Variants in SAFB2 observed in about 807,000 individuals in gnomAD.
SAFB2 encodes the protein scaffold attachment factor B2.
In SAFB2, 32 loss-of-function variants were observed where a neutral mutation model predicts 100.6. That is an observed-to-expected ratio of 0.32 (90% CI 0.24 to 0.43). The LOEUF (loss-of-function observed/expected upper bound fraction) is 0.43, where lower values mean the gene tolerates loss of function less well. Ranked by LOEUF, SAFB2 falls within the 20% of genes least tolerant of loss-of-function variation. The pLI is 1.00. For missense variants in SAFB2, 1,185 were observed against 1,163.4 expected (o/e 1.02, Z -0.27); for synonymous variants, 500 against 439.4 (o/e 1.14, Z -1.72).
At position 5,590,292 on chromosome 19, in the gene SAFB2, C is replaced by T. The variant is rs377458727; in HGVS notation, c.2511G>A (p.Leu837=). The T allele has an allele frequency of 4.4e-5, 71 of 1,598,810 alleles. No homozygotes were observed. The highest frequency in any genetic ancestry group is 5.8e-5 in the Non-Finnish European group (68 of 1,173,806). ...CACCCACTAACCTGGGGGGAGGGGGCAGCCCCCGGCCTTCACTCAGCCTCT... is the reference window on the plus strand; with the variant it reads ...CACCCACTAACCTGGGGGGAGGGGGTAGCCCCCGGCCTTCACTCAGCCTCT... The part of the protein sequence containing the change: ...SDKRLSEGRG[L]PPPPRGGRDW... Residue 837 remains leucine, a synonymous_variant, in exon 18 of 21, where the codon CTG becomes CTA. Transcript: ENST00000252542.
At chr19:5,599,906 C>T (rs1319417174) in intron 12 of SAFB2, among the ~76,000 whole-genome samples, 1 of 152,184 alleles carries the variant, frequency 6.6e-6, no homozygotes, top group Non-Finnish European at 1.5e-5. Flanking sequence ...CTGAGTTCAG[C>T]AATACACATA....
In SAFB2 at chr19:5,594,151, T is replaced by C. The variant is rs978097468; in HGVS notation, c.1947A>G (p.Gln649=). Residue 649 remains glutamine, a synonymous_variant, in exon 15 of 21, where the codon CAA becomes CAG. Transcript: ENST00000252542. ...TCCGCTCATGGAAGGCCTCGAGGCG[T>C]TGCTCCCGCTCCCGCTGCTCGCGCT... The part of the protein sequence containing the change: ...RREREQRERE[Q]RLEAFHERKE... 1.1e-5 allele frequency: 17 copies of C among 1,599,050 alleles called. No homozygotes were observed. Among genetic ancestry groups the C allele is most frequent in the Admixed American group, 5.0e-5 (3 of 59,470 alleles).
At chr19:5,603,644 A>AGGTGCCACCGTGAACTCACAG (rs1218691072) in intron 11 of SAFB2, among the ~76,000 whole-genome samples, 15 of 152,166 alleles carry the variant, frequency 9.9e-5, no homozygotes, top group African/African-American at 2.2e-4. Flanking sequence ...AGGTACCCCA[A>AGGTGCCACCGTGAACTCACAG]GGTGCCACCG....
rs1286034251 is a variant in SAFB2 at position 5,587,109 on chromosome 19, T to C, written c.*134A>G. 50 of 1,137,208 alleles carry C rather than the reference T, an allele frequency of 4.4e-5. No homozygotes were observed. The highest frequency in any genetic ancestry group is 5.9e-5 in the Non-Finnish European group (48 of 819,754). 70.4% of individuals were successfully genotyped at this position (1,137,208 alleles called of 1,614,324 possible). On this transcript the variant is annotated 3_prime_UTR_variant, in exon 21 of 21. Transcript: ENST00000252542. The surrounding 1 kb of genome is among the most constrained non-coding windows in gnomAD (Gnocchi z 4.9). The stretch of plus-strand genomic sequence containing the variant: ...TATTTAAAAAAAAAAAAAAAGTGAG[T>C]TCACATTGTATTGAGCTACAACATG...
chr19:5,591,878 CT>C, intron 16 of SAFB2, 85 bp from the exon 17 acceptor site: 4 of 1,265,946 alleles, frequency 3.2e-6, no homozygotes, highest in South Asian at 1.2e-5. Context: ...GACTGGGATA[CT>C]TTTTCCATCC....
chr19:5,613,558 G>C, intron 4 of SAFB2, 31 bp from the exon 5 acceptor site: 2 of 1,609,050 alleles, frequency 1.2e-6, no homozygotes, highest in Non-Finnish European at 1.7e-6. Context: ...TGACTTCGTG[G>C]AGGCTGGAGC....
intron 14 of SAFB2, 24 bp downstream of exon 14, chr19:5,595,337 A>C (rs749802387): frequency 5.0e-6 from 8 of 1,602,798 alleles, no homozygotes; most frequent in Non-Finnish European, 6.8e-6. Context: ...CCACCAGCCC[A>C]CAGCCTCACC....
intron 9 of SAFB2, among the ~76,000 whole-genome samples, chr19:5,605,173 C>A (rs538174937): frequency 6.8e-6 from 1 of 147,206 alleles, no homozygotes; most frequent in Non-Finnish European, 1.5e-5. Flanking sequence ...GTCGCGATCT[C>A]GGCTCACCGC....
At position 5,592,740 on chromosome 19, in the gene SAFB2, CA is replaced by C; in HGVS notation, c.2348+6del. The C allele has an allele frequency of 4.3e-6, 7 of 1,613,896 alleles. No homozygotes were observed. Among genetic ancestry groups the C allele is most frequent in the Non-Finnish European group, 5.9e-6 (7 of 1,179,980 alleles). On this transcript the variant is annotated splice_donor_region_variant and intron_variant, in intron 16 of 20. Coordinates refer to ENST00000252542, the MANE Select transcript of SAFB2 (RefSeq NM_014649.3). Reference sequence around the variant, plus strand: ...CTGTAGCTAAAGGAGGGGACAAGACCACTGACCTGTCGATGGCGTGGTCCTG... The same window carrying C: ...CTGTAGCTAAAGGAGGGGACAAGACCCTGACCTGTCGATGGCGTGGTCCTG...
chr19:5,595,221 G>T, intron 14 of SAFB2, 140 bp downstream of exon 14: 1 of 1,147,678 alleles, frequency 8.7e-7, no homozygotes, highest in South Asian at 1.5e-5. Flanking sequence ...CTGCCTCGAG[G>T]ACCCAGGTTA....
rs116573246 is a variant in SAFB2 at position 5,590,744 on chromosome 19, C to T, written c.2395-336G>A. 2.5e-3 allele frequency among the ~76,000 whole-genome samples: 378 copies of T among 152,196 alleles called. 2 individuals carry two copies. The highest frequency in any genetic ancestry group is 8.5e-3 in the African/African-American group (352 of 41,472). ...GAGAAGTTGGGCGCCGCCTCCTTTC[C>T]GATAACAGGAGGGCCCTCGGGTGGG... On this transcript the variant is annotated intron_variant, in intron 17 of 20. Coordinates refer to ENST00000252542, the MANE Select transcript of SAFB2 (RefSeq NM_014649.3).
chr19:5,609,051 C>CAAAAAAAAAAAAAAAAAAAAA (rs60419324), intron 9 of SAFB2, among the ~76,000 whole-genome samples: 8 of 72,696 alleles, frequency 1.1e-4, no homozygotes, highest in Non-Finnish European at 1.8e-4. Context: ...GACGCAGTCT[C>CAAAAAAAAAAAAAAAAAAAAA]AAAAAAAAAA....
intron 17 of SAFB2, 120 bp downstream of exon 17, chr19:5,591,628 C>CG (rs2052407049): frequency 1.1e-6 from 1 of 876,494 alleles, no homozygotes; most frequent in African/African-American, 1.7e-5. Context: ...GCATACCCGC[C>CG]ACACGTGCTG....
At chr19:5,595,156 G>A (rs1475115083) in intron 14 of SAFB2, among the ~76,000 whole-genome samples, 1 of 152,152 alleles carries the variant, frequency 6.6e-6, no homozygotes, top group African/African-American at 2.4e-5. Context: ...GCCCTTTGAT[G>A]ACTTTCATGC....
At chr19:5,600,825 G>T (rs2052640465) in intron 11 of SAFB2, among the ~76,000 whole-genome samples, 1 of 152,158 alleles carries the variant, frequency 6.6e-6, no homozygotes, top group Non-Finnish European at 1.5e-5. Context: ...AATACGGGAA[G>T]GTGTTAAGTG....
In SAFB2 at chr19:5,604,908, G is replaced by T; in HGVS notation, c.1325C>A (p.Ala442Asp). 6.2e-7 allele frequency: 1 copy of T among 1,613,642 alleles called. No homozygotes were observed. Residue 442 changes from alanine to aspartate, a missense_variant, in exon 10 of 21, where the codon GCC becomes GAC. Around this residue, in one of 3 missense-constraint regions of SAFB2, gnomAD observed 94 missense variants for 135.1 expected, o/e 0.70. Coordinates refer to ENST00000252542, the MANE Select transcript of SAFB2 (RefSeq NM_014649.3). Reference sequence around the variant, plus strand: ...ATAGCATCGAGCCCCCGGGCTGCGGGCGTTCGTTACCACTTTGGCCCCGAC... The same window carrying T: ...ATAGCATCGAGCCCCCGGGCTGCGGTCGTTCGTTACCACTTTGGCCCCGAC... ...KVVGAKVVTN[A>D]RSPGARCYGF... is the part of the protein sequence containing the mutation.
chr19:5,602,481 A>AG, intron 11 of SAFB2, among the ~76,000 whole-genome samples: 1 of 143,040 alleles, frequency 7.0e-6, no homozygotes, highest in East Asian at 2.0e-4. Flanking sequence ...CTCTGTCTCA[A>AG]AAAAAAAAAA....
intron 4 of SAFB2, among the ~76,000 whole-genome samples, chr19:5,615,372 C>G (rs1475984109): frequency 6.6e-6 from 1 of 151,048 alleles, no homozygotes; most frequent in Non-Finnish European, 1.5e-5. Context: ...AACAAACAAA[C>G]AAAACACAAC....
intron 17 of SAFB2, among the ~76,000 whole-genome samples, chr19:5,590,894 G>A (rs1440631765): frequency 6.6e-6 from 1 of 152,122 alleles, no homozygotes. Context: ...TTACTCTGCC[G>A]CCCACCTCCC....
Sources: gnomAD v4.1 joint callset for allele counts (sites outside exome capture counted in the v4.1 genomes callset) on GRCh38, gnomAD v4.1.1 for gene constraint, gnomAD v4.1.1 regional missense constraint, Gnocchi (gnomAD v3.1) non-coding constraint, MANE v1.5 for transcripts, NCBI Gene and HGNC (gene_info 2026-07-23, HGNC 2026-07-21) for gene names.